Variants in STK39 observed in about 807,000 individuals in gnomAD.
STK39 encodes the protein STE20/SPS1-related proline-alanine-rich protein kinase.
STK39 carries 20 observed loss-of-function variants against 77.8 expected under a neutral mutation model. The observed-to-expected ratio is 0.26, with a 90% confidence interval of 0.18 to 0.37. The LOEUF is 0.37. Ranked by LOEUF, STK39 falls within the 10% of genes least tolerant of loss-of-function variation. STK39 has a pLI of 1.00. For synonymous variants in STK39, 246 were observed against 234.1 expected, an observed-to-expected ratio of 1.05 and a Z score of -0.47; for missense variants, 479 against 656.5, an observed-to-expected ratio of 0.73 and a Z score of 2.95.
In STK39 at chr2:168,247,528, G is replaced by T; in HGVS notation, c.-93C>A. The T allele has an allele frequency of 1.4e-6, 1 of 721,692 alleles. No individual in the cohort carries two copies. The highest frequency in any genetic ancestry group is 1.7e-6 in the Non-Finnish European group (1 of 585,804). The allele number at this position is 721,692 out of a possible 1,614,324, so 44.7% of individuals were successfully genotyped here. The stretch of plus-strand genomic sequence containing the variant: ...CCTCGCCGCCGACACCTCTCGGCCG[G>T]CGCACGCCCTCCCCGCCCGCCGCCG... On this transcript the variant is annotated 5_prime_UTR_variant, in exon 1 of 18. Transcript: ENST00000355999.
At position 168,161,850 on chromosome 2, in the gene STK39, A is replaced by G; in HGVS notation, c.573-8T>C. On this transcript the variant is annotated splice_region_variant and splice_polypyrimidine_tract_variant and intron_variant, in intron 4 of 17. Coordinates refer to ENST00000355999, the MANE Select transcript of STK39 (RefSeq NM_013233.3). ...TTACCAGCTTTCAAATCCCTATTAG[A>G]AAAAAAAATAGAAAATAAATTGTAG... The G allele has an allele frequency of 6.4e-7, 1 of 1,553,388 alleles. No homozygotes were observed. The highest frequency in any genetic ancestry group is 8.8e-7 in the Non-Finnish European group (1 of 1,136,790).
At chr2:167,997,482 A>G (rs1243175052) in intron 16 of STK39, among the ~76,000 whole-genome samples, 4 of 152,112 alleles carry the variant, frequency 2.6e-5, no homozygotes, top group Non-Finnish European at 5.9e-5. Flanking sequence ...AATTCTCATA[A>G]CCATTCCATG....
chr2:168,219,391 C>G (rs1240121099), intron 1 of STK39, among the ~76,000 whole-genome samples: 1 of 152,128 alleles, frequency 6.6e-6, no homozygotes, highest in African/African-American at 2.4e-5. Flanking sequence ...ACAGATAAGT[C>G]AGGCACTATG....
chr2:168,019,273 T>C (rs59923822), intron 14 of STK39, among the ~76,000 whole-genome samples: 9,697 of 152,294 alleles, frequency 0.064, 1,061 homozygotes, highest in African/African-American at 0.22. Context: ...CATGTCAGTA[T>C]AATAAAATAT....
At chr2:168,204,370 C>T (rs1689688710) in intron 1 of STK39, among the ~76,000 whole-genome samples, 1 of 152,170 alleles carries the variant, frequency 6.6e-6, no homozygotes. Context: ...CAACCATTGC[C>T]AATACAAAGG....
At chr2:168,172,111 G>T (rs561329722) in intron 2 of STK39, among the ~76,000 whole-genome samples, 87 of 152,298 alleles carry the variant, frequency 5.7e-4, no homozygotes, top group African/African-American at 1.7e-3. Flanking sequence ...TTATTGTGAG[G>T]TAGGGGAAAT....
chr2:168,017,655 G>C (rs961220701), intron 14 of STK39, among the ~76,000 whole-genome samples: 7 of 152,036 alleles, frequency 4.6e-5, no homozygotes, highest in African/African-American at 1.7e-4. Flanking sequence ...TTACAGGCAT[G>C]AGCCACCACA....
chr2:168,177,185 T>C (rs373271161), intron 2 of STK39, among the ~76,000 whole-genome samples: 132 of 152,198 alleles, frequency 8.7e-4, no homozygotes, highest in Admixed American at 2.1e-3. Context: ...AATTCACATA[T>C]GGAAATTATG....
At chr2:168,105,279 A>G (rs1341866422) in intron 10 of STK39, among the ~76,000 whole-genome samples, 1 of 152,050 alleles carries the variant, frequency 6.6e-6, no homozygotes, top group Non-Finnish European at 1.5e-5. Context: ...GCTTCTCCAC[A>G]CTCTCCTCCA....
chr2:168,054,597 C>A lies in STK39; in HGVS notation c.1376+8903G>T, dbSNP rs1685476833. ...ATGCCAGACATTTTTTGGATCAGAG[C>A]ACTGTATTTCTATTAATTTGGTACC... On this transcript the variant is annotated intron_variant, in intron 14 of 17. Transcript: ENST00000355999. 2.0e-5 allele frequency among the ~76,000 whole-genome samples: 3 copies of A among 152,150 alleles called. No homozygotes were observed. The South Asian group carries it at 6.2e-4, about 32-fold the overall frequency.
At chr2:167,956,284 C>T (rs1247494966) in intron 17 of STK39, among the ~76,000 whole-genome samples, 2 of 152,328 alleles carry the variant, frequency 1.3e-5, no homozygotes, top group African/African-American at 4.8e-5. Flanking sequence ...CTTGGCCAGG[C>T]ATGGCGGCTC....
At chr2:168,182,733 T>C (rs1383149946) in intron 1 of STK39, among the ~76,000 whole-genome samples, 10 of 152,226 alleles carry the variant, frequency 6.6e-5, no homozygotes, top group Admixed American at 6.5e-4. Flanking sequence ...TCATTATCCA[T>C]ATTTTATAAG....
At position 168,137,787 on chromosome 2, in the gene STK39, A is replaced by G. The variant is rs528590828; in HGVS notation, c.974+301T>C. On this transcript the variant is annotated intron_variant, in intron 8 of 17. Transcript: ENST00000355999. ...TCAGCTTCTGAATGCAGCACTGCCA[A>G]TTTCTTTTGATTTCTGTTTTACTTC... Among the ~76,000 whole-genome samples, 14 of 152,262 alleles carry G rather than the reference A, an allele frequency of 9.2e-5. No homozygotes were observed. The South Asian group carries it at 2.9e-3, about 32-fold the overall frequency.
intron 12 of STK39, among the ~76,000 whole-genome samples, chr2:168,068,294 G>C (rs1685848626): frequency 6.6e-6 from 1 of 152,156 alleles, no homozygotes; most frequent in South Asian, 2.1e-4. Flanking sequence ...GGATAAGAGA[G>C]GAAAAGATCT....
chr2:168,159,064 T>TA (rs911504889), intron 5 of STK39, among the ~76,000 whole-genome samples: 9 of 151,224 alleles, frequency 6.0e-5, no homozygotes, highest in Non-Finnish European at 1.0e-4. Flanking sequence ...GTGTTTCCCC[T>TA]AAAAAAAAAC....
At chr2:168,145,342 C>T (rs1517327) in intron 5 of STK39, among the ~76,000 whole-genome samples, 23,724 of 152,132 alleles carry the variant, frequency 0.16, 1,964 homozygotes, top group East Asian at 0.25. Flanking sequence ...GCCCTTGATG[C>T]TCAGTCTCTG....
At chr2:168,238,756 T>G (rs1171360610) in intron 1 of STK39, among the ~76,000 whole-genome samples, 1 of 152,230 alleles carries the variant, frequency 6.6e-6, no homozygotes, top group Non-Finnish European at 1.5e-5. Flanking sequence ...GCTTTTCAGT[T>G]AAGCCAAGTC....
intron 16 of STK39, among the ~76,000 whole-genome samples, chr2:167,989,344 T>C (rs1193773214): frequency 6.6e-6 from 1 of 152,180 alleles, no homozygotes. Context: ...CATCACAAAG[T>C]AGATCCTTAA....
chr2:168,004,186 T>A (rs1182564692), intron 16 of STK39, among the ~76,000 whole-genome samples: 2 of 152,226 alleles, frequency 1.3e-5, no homozygotes, highest in Non-Finnish European at 2.9e-5. Context: ...AGCAGCAATG[T>A]TAGTTTTAAT....
Sources: allele counts gnomAD v4.1 joint callset (sites outside exome capture counted in the v4.1 genomes callset), GRCh38; gene constraint gnomAD v4.1.1; transcripts MANE v1.5; gene names NCBI Gene and HGNC (gene_info 2026-07-23, HGNC 2026-07-21).